The following TOP6BL variants were observed in gnomAD, a reference collection of about 807,000 sequenced individuals.
TOP6BL encodes TOP6B like initiator of meiotic double strand breaks, also known as type 2 DNA topoisomerase 6 subunit B-like.
the TOP6BL span, among the ~76,000 whole-genome samples, chr11:66,812,966 T>A: frequency 6.6e-6 from 1 of 152,202 alleles, no homozygotes; most frequent in African/African-American, 2.4e-5. Flanking sequence ...AACCCTGGGT[T>A]ACAGGTAGGG....
At chr11:66,748,890 G>T in the TOP6BL span, among the ~76,000 whole-genome samples, 59 of 138,174 alleles carry the variant, frequency 4.3e-4, no homozygotes, top group African/African-American at 1.6e-3. Context: ...AAAAAAAAAA[G>T]GAAAAATGAT....
chr11:66,813,942 T>C, the TOP6BL span: 2 of 1,613,594 alleles, frequency 1.2e-6, no homozygotes, highest in African/African-American at 2.7e-5. Context: ...TCTTCAAAGA[T>C]ACCTCTTCTT....
chr11:66,793,600 A>ACT, the TOP6BL span, among the ~76,000 whole-genome samples: 1 of 149,502 alleles, frequency 6.7e-6, no homozygotes, highest in Non-Finnish European at 1.5e-5. Flanking sequence ...GCCCGTCACC[A>ACT]CTCCAGGCTA....
At chr11:66,793,444 G>GTTTTT in the TOP6BL span, among the ~76,000 whole-genome samples, 10 of 97,976 alleles carry the variant, frequency 1.0e-4, no homozygotes, top group Non-Finnish European at 1.7e-4. Flanking sequence ...TTCTTTTTTT[G>GTTTTT]TTTTTTTTTT....
At chr11:66,839,980 C>G in the TOP6BL span, among the ~76,000 whole-genome samples, 2 of 152,126 alleles carry the variant, frequency 1.3e-5, no homozygotes, top group African/African-American at 4.8e-5. Flanking sequence ...TAATGACTTT[C>G]AGTTTGCCGC....
the TOP6BL span, among the ~76,000 whole-genome samples, chr11:66,775,864 C>T: frequency 2.0e-5 from 3 of 151,942 alleles, no homozygotes; most frequent in Non-Finnish European, 2.9e-5. Flanking sequence ...TCTTAGATAT[C>T]TTTTGCTATA....
chr11:66,789,741 G>A, the TOP6BL span, among the ~76,000 whole-genome samples: 1 of 152,188 alleles, frequency 6.6e-6, no homozygotes, highest in African/African-American at 2.4e-5. Flanking sequence ...AGTCTATGAA[G>A]TGGGTAGGAT....
chr11:66,817,590 C>A, the TOP6BL span, among the ~76,000 whole-genome samples: 8 of 152,236 alleles, frequency 5.3e-5, no homozygotes, highest in African/African-American at 1.9e-4. Flanking sequence ...AGGCACACGC[C>A]ACCACACCTG....
chr11:66,761,808 T>A, the TOP6BL span: 15 of 818,706 alleles, frequency 1.8e-5, no homozygotes, highest in Non-Finnish European at 3.0e-5. Context: ...ACTTCCCTGA[T>A]AGAGAAGATG....
chr11:66,790,341 G>A, the TOP6BL span, among the ~76,000 whole-genome samples: 1 of 152,076 alleles, frequency 6.6e-6, no homozygotes, highest in East Asian at 1.9e-4. Flanking sequence ...AAGTAAACAC[G>A]TAATTACAAT....
chr11:66,758,234 A>G, the TOP6BL span: 1 of 649,964 alleles, frequency 1.5e-6, no homozygotes, highest in South Asian at 6.9e-5. Flanking sequence ...ATTGCTCTAA[A>G]ATTTCTAATA....
chr11:66,815,149 G>A, the TOP6BL span, among the ~76,000 whole-genome samples: 14 of 152,166 alleles, frequency 9.2e-5, no homozygotes, highest in Non-Finnish European at 1.8e-4. Context: ...AGACTCCACC[G>A]ATTTCGAATA....
the TOP6BL span, among the ~76,000 whole-genome samples, chr11:66,832,159 G>A: frequency 2.0e-5 from 3 of 150,710 alleles, no homozygotes; most frequent in Non-Finnish European, 3.0e-5. Flanking sequence ...GTGCAGTGGC[G>A]TGATCTCGGC....
the TOP6BL span, among the ~76,000 whole-genome samples, chr11:66,826,590 A>G: frequency 6.6e-6 from 1 of 152,178 alleles, no homozygotes; most frequent in Non-Finnish European, 1.5e-5. Flanking sequence ...AGAACACTAT[A>G]TTGGGAATTC....
At chr11:66,777,745 G>C in the TOP6BL span, among the ~76,000 whole-genome samples, 1 of 151,918 alleles carries the variant, frequency 6.6e-6, no homozygotes, top group Non-Finnish European at 1.5e-5. Flanking sequence ...CAAAAAAATA[G>C]CCTGTAGTCC....
chr11:66,838,466 G>A, the TOP6BL span: 1 of 1,606,532 alleles, frequency 6.2e-7, no homozygotes, highest in Non-Finnish European at 8.5e-7. Context: ...AGCTTTTCAA[G>A]TGAGCCCTGG....
chr11:66,761,462 T>TC, the TOP6BL span: 2 of 329,286 alleles, frequency 6.1e-6, no homozygotes, highest in African/African-American at 4.4e-5. Context: ...TGGTATTTTT[T>TC]CCCCATGATA....
the TOP6BL span, among the ~76,000 whole-genome samples, chr11:66,834,932 TC>T: frequency 1.3e-5 from 2 of 149,626 alleles, no homozygotes; most frequent in Admixed American, 1.4e-4. Context: ...GGGTTTAGTG[TC>T]ATAGATATAT....
chr11:66,793,807 C>T, the TOP6BL span, among the ~76,000 whole-genome samples: 5 of 151,324 alleles, frequency 3.3e-5, no homozygotes, highest in East Asian at 7.8e-4. Context: ...TTTCAGTGTA[C>T]TTATAAAAAA....
Sources: allele counts gnomAD v4.1 joint callset (sites outside exome capture counted in the v4.1 genomes callset), GRCh38; gene constraint gnomAD v4.1.1; transcripts MANE v1.5; gene names NCBI Gene and HGNC (gene_info 2026-07-23, HGNC 2026-07-21).